The following PANK4 variants were observed in gnomAD, a reference collection of about 807,000 sequenced individuals.
The protein encoded by PANK4 is pantothenate kinase 4 (inactive).
In PANK4, 40 loss-of-function variants were observed where a neutral mutation model predicts 87.9. The ratio of observed to expected loss-of-function variants is 0.46; its 90% CI spans 0.35 to 0.59. The LOEUF (loss-of-function observed/expected upper bound fraction) is 0.59, where lower values mean the gene tolerates loss of function less well. Among genes scored for constraint, PANK4 ranks in the 20% least tolerant of loss-of-function variants. The pLI, the probability that PANK4 is intolerant of heterozygous loss-of-function variation, is 0.00. For missense variants in PANK4, 926 were observed against 1,072.3 expected (o/e 0.86, Z 1.90); for synonymous variants, 524 against 467.4 (o/e 1.12, Z -1.56).
At position 2,510,023 on chromosome 1, in the gene PANK4, C is replaced by A; in HGVS notation, c.2039+34G>T. On this transcript the variant is annotated intron_variant, in intron 17 of 18. Transcript: ENST00000378466. This position sits in a 1 kb window ranked among gnomAD's most constrained non-coding sequence, Gnocchi z 4.9. ...CTGCCCAGCTGGTGCCCCTCCCCAT[C>A]AAGGCCCCCCCAGCACTGCCCGCCA... 1 of 1,582,166 alleles carries A rather than the reference C, an allele frequency of 6.3e-7. No homozygotes were observed. Among genetic ancestry groups the A allele is most frequent in the Non-Finnish European group, 8.6e-7 (1 of 1,158,252 alleles).
intron 9 of PANK4, 114 bp downstream of exon 9, chr1:2,518,050 C>T (rs1344759923): frequency 8.3e-6 from 5 of 604,560 alleles, no homozygotes; most frequent in African/African-American, 3.8e-5. Context: ...TCGCCATGGG[C>T]AGAGGCGCCT....
chr1:2,513,051 G>A lies in PANK4; in HGVS notation c.1576-12C>T. Reference sequence around the variant, plus strand: ...TCCCGCTGCTTCACCTGTGGAGAGTGCCAGATGCCAGGCCTGAGTGAAGAC... The same window carrying A: ...TCCCGCTGCTTCACCTGTGGAGAGTACCAGATGCCAGGCCTGAGTGAAGAC... On this transcript the variant is annotated splice_polypyrimidine_tract_variant and intron_variant, in intron 12 of 18. Transcript: ENST00000378466. 6.3e-7 allele frequency: 1 copy of A among 1,577,866 alleles called. No homozygotes were observed. The highest frequency in any genetic ancestry group is 8.6e-7 in the Non-Finnish European group (1 of 1,158,070).
intron 12 of PANK4, among the ~76,000 whole-genome samples, chr1:2,513,596 AGCCAGG>A (rs1643703537): frequency 6.6e-6 from 1 of 152,160 alleles, no homozygotes; most frequent in Non-Finnish European, 1.5e-5. Context: ...CCTAGGAGGG[AGCCAGG>A]GTGGTCCAGG....
At position 2,520,768 on chromosome 1, in the gene PANK4, G is replaced by A; in HGVS notation, c.561C>T (p.Phe187=). The change falls in exon 4 of 19, where the codon TTC becomes TTT. Residue 187 remains phenylalanine, a synonymous_variant. Transcript: ENST00000378466. The surrounding 1 kb of genome is among the most constrained non-coding windows in gnomAD (Gnocchi z 6.2). ...AGCCGATATTGACAAGAAGATAGGG[G>A]AAAATGTGGGGGTGGTTGGTCTGGA... The part of the protein sequence containing the change: ...FRFQTNHPHI[F]PYLLVNIGSG... 6.2e-7 allele frequency: 1 copy of A among 1,613,608 alleles called. No individual in the cohort carries two copies. The highest frequency in any genetic ancestry group is 8.5e-7 in the Non-Finnish European group (1 of 1,179,886).
chr1:2,519,919 G>C lies in PANK4; in HGVS notation c.735C>G (p.Gly245=), dbSNP rs1207080060. 6.4e-7 allele frequency: 1 copy of C among 1,564,912 alleles called. No individual in the cohort carries two copies. The highest frequency in any genetic ancestry group is 8.7e-7 in the Non-Finnish European group (1 of 1,154,410). The change falls in exon 6 of 19, where the codon GGC becomes GGG. Residue 245 remains glycine (G), a synonymous_variant. Transcript: ENST00000378466. This position sits in a 1 kb window ranked among gnomAD's most constrained non-coding sequence, Gnocchi z 8.3. ...CCAGCATGTCCACATTGCTGTGCTG[G>C]CCCCTCGAGGCCAGGTGCAGGAGCT... The part of the protein sequence containing the change: ...FDELLHLASR[G]QHSNVDMLVR...
At position 2,520,264 on chromosome 1, in the gene PANK4, G is replaced by A; in HGVS notation, c.699+58C>T. 4.0e-6 allele frequency: 6 copies of A among 1,504,648 alleles called. No homozygotes were observed. The highest frequency in any genetic ancestry group is 5.5e-6 in the Non-Finnish European group (6 of 1,082,082). The allele number at this position is 1,504,648 out of a possible 1,614,324, so 93.2% of individuals were successfully genotyped here. A position where few individuals can be genotyped will look rare whatever the true frequency, so the allele number is the denominator to read the frequency against. Reference sequence around the variant, plus strand: ...GCACCGCCCAGCTGCAGGCCTTCGGGGGAAGGAAGCAGACATCTCCGCAGA... The same window carrying A: ...GCACCGCCCAGCTGCAGGCCTTCGGAGGAAGGAAGCAGACATCTCCGCAGA... On this transcript the variant is annotated intron_variant, in intron 5 of 18. Transcript: ENST00000378466. This position sits in a 1 kb window ranked among gnomAD's most constrained non-coding sequence, Gnocchi z 6.2.
Position 2,515,826 on chromosome 1 carries a change from T to C in PANK4, c.1219-109A>G, listed in dbSNP as rs1016410142. The C allele has an allele frequency of 1.2e-5, 13 of 1,102,774 alleles. No homozygotes were observed. Among genetic ancestry groups the C allele is most frequent in the Middle Eastern group, 4.1e-4 (2 of 4,898 alleles). The allele number at this position is 1,102,774 out of a possible 1,614,324, so 68.3% of individuals were successfully genotyped here. A position where few individuals can be genotyped will look rare whatever the true frequency, so the allele number is the denominator to read the frequency against. ...CTAAGAAGGGAGATGTACTGCCTTC[T>C]TCCGCCACGTCTCTGGGCCACAGAC... On this transcript the variant is annotated intron_variant, in intron 9 of 18. Coordinates refer to ENST00000378466, the MANE Select transcript of PANK4 (RefSeq NM_018216.4). This position sits in a 1 kb window ranked among gnomAD's most constrained non-coding sequence, Gnocchi z 5.0.
intron 1 of PANK4, among the ~76,000 whole-genome samples, chr1:2,523,193 A>T (rs1643892623): frequency 2.0e-5 from 3 of 152,150 alleles, no homozygotes; most frequent in Non-Finnish European, 1.5e-5. Flanking sequence ...ATGTAGCAAA[A>T]CCCACCGTGT....
chr1:2,523,267 G>A (rs989648416), intron 1 of PANK4, among the ~76,000 whole-genome samples: 12 of 152,162 alleles, frequency 7.9e-5, no homozygotes, highest in African/African-American at 2.7e-4. Flanking sequence ...GCTCCCCGAC[G>A]GCTGGCGTAC....
chr1:2,522,851 G>A (rs60441474), intron 1 of PANK4, among the ~76,000 whole-genome samples: 11 of 144,192 alleles, frequency 7.6e-5, no homozygotes, highest in Admixed American at 2.1e-4. Flanking sequence ...AGGGGACCGT[G>A]TGGTGCTATA....
At position 2,515,696 on chromosome 1, in the gene PANK4, G is replaced by A. The variant is rs750247448; in HGVS notation, c.1240C>T (p.Arg414Trp). The A allele has an allele frequency of 7.4e-6, 12 of 1,612,778 alleles. No homozygotes were observed. Among genetic ancestry groups the A allele is most frequent in the African/African-American group, 1.3e-5 (1 of 74,904 alleles). ...AGGTCAACCAGTGGCCTCTCCAGCC[G>A]GTCCATTTCCAGCAAGTCAAACTGG... ...SGTFDLLEMD[R>W]LERPLVDLPL... The change falls in exon 10 of 19, where the codon CGG becomes TGG. Residue 414 changes from arginine to tryptophan, a missense_variant. Coordinates refer to ENST00000378466, the MANE Select transcript of PANK4 (RefSeq NM_018216.4). The surrounding 1 kb of genome is among the most constrained non-coding windows in gnomAD (Gnocchi z 5.0).
In PANK4 at chr1:2,509,496, G is replaced by A. The variant is rs879767533; in HGVS notation, c.2108+366C>T. 3.9e-5 allele frequency among the ~76,000 whole-genome samples: 6 copies of A among 152,160 alleles called. No homozygotes were observed. Among genetic ancestry groups the A allele is most frequent in the Non-Finnish European group, 7.3e-5 (5 of 68,032 alleles). On this transcript the variant is annotated intron_variant, in intron 18 of 18. Coordinates refer to ENST00000378466, the MANE Select transcript of PANK4 (RefSeq NM_018216.4). The surrounding 1 kb of genome is among the most constrained non-coding windows in gnomAD (Gnocchi z 4.9). ...ACAGCACCACATACAATTGACTAAT[G>A]ACCTCCAGAACCACAGAAGCAGAGC...
Position 2,508,980 on chromosome 1 carries a change from A to G in PANK4, c.2189T>C (p.Val730Ala). Residue 730 changes from valine (V) to alanine (A), a missense_variant, in exon 19 of 19, where the codon GTC becomes GCC. Physicochemically the swap from Val to Ala is moderately conservative, Grantham distance 64. Coordinates refer to ENST00000378466, the MANE Select transcript of PANK4 (RefSeq NM_018216.4). The surrounding 1 kb of genome is among the most constrained non-coding windows in gnomAD (Gnocchi z 5.1). ...CAGGGCTGCGTGGTAGTTTGTGTGG[A>G]CAGCACGGCCCATGCCCTCGATGAC... ...LVVIEGMGRAVHTNYHAALRC... is the reference protein window; with the variant it reads ...LVVIEGMGRAAHTNYHAALRC... 1 of 1,609,410 alleles carries G rather than the reference A, an allele frequency of 6.2e-7. No homozygotes were observed. The highest frequency in any genetic ancestry group is 1.1e-5 in the South Asian group (1 of 90,746).
intron 1 of PANK4, 55 bp downstream of exon 1, chr1:2,526,409 C>A (rs1643925057): frequency 1.0e-6 from 1 of 998,506 alleles, no homozygotes; most frequent in South Asian, 4.4e-5. Context: ...GCCGGCCCAC[C>A]GCCGGCGCCC....
Position 2,510,050 on chromosome 1 carries a change from C to T in PANK4, c.2039+7G>A, listed in dbSNP as rs1252829388. 6.2e-7 allele frequency: 1 copy of T among 1,603,708 alleles called. No individual in the cohort carries two copies. Among genetic ancestry groups the T allele is most frequent in the Non-Finnish European group, 8.5e-7 (1 of 1,173,954 alleles). ...AGGCCCCCCCAGCACTGCCCGCCAA[C>T]ACTCACTGCACGACAGGGTCCATGC... On this transcript the variant is annotated splice_region_variant and intron_variant, in intron 17 of 18. Transcript: ENST00000378466. This position sits in a 1 kb window ranked among gnomAD's most constrained non-coding sequence, Gnocchi z 4.9.
Position 2,519,789 on chromosome 1 carries a change from C to T in PANK4, c.853+12G>A, listed in dbSNP as rs371661186. On this transcript the variant is annotated intron_variant, in intron 6 of 18. Coordinates refer to ENST00000378466, the MANE Select transcript of PANK4 (RefSeq NM_018216.4). This position sits in a 1 kb window ranked among gnomAD's most constrained non-coding sequence, Gnocchi z 8.3. ...CATCCTGCTCTCTGGCGGCAGAGGC[C>T]GGGGTGAGCACCTTGGTCGGCGGTG... 249 of 1,567,994 alleles carry T rather than the reference C, an allele frequency of 1.6e-4. No individual in the cohort carries two copies. Among genetic ancestry groups the T allele is most frequent in the African/African-American group, 3.2e-4 (24 of 74,144 alleles).
intron 12 of PANK4, among the ~76,000 whole-genome samples, 197 bp downstream of exon 12, chr1:2,513,805 T>C (rs553831679): frequency 5.9e-5 from 9 of 152,188 alleles, no homozygotes; most frequent in African/African-American, 2.2e-4. Flanking sequence ...TCTGTGGGGG[T>C]AACACAGCTC....
chr1:2,509,035 G>C lies in PANK4; in HGVS notation c.2134C>G (p.Leu712Val), dbSNP rs1388954448. 3.1e-6 allele frequency: 5 copies of C among 1,601,224 alleles called. No homozygotes were observed. In the Admixed American group the frequency reaches 8.4e-5, roughly 27 times the overall value. Residue 712 changes from leucine (L) to valine (V), a missense_variant, in exon 19 of 19, where the codon CTG becomes GTG. Coordinates refer to ENST00000378466, the MANE Select transcript of PANK4 (RefSeq NM_018216.4). The surrounding 1 kb of genome is among the most constrained non-coding windows in gnomAD (Gnocchi z 4.9). ...LSRLDKGLAA[L>V]VRERGADLVV... ...AGATCCGCGCCACGCTCCCGCACCA[G>C]TGCGGCCAGCCCCTTATCCAGGCGG...
Position 2,509,280 on chromosome 1 carries a change from C to T in PANK4, c.2109-220G>A, listed in dbSNP as rs1643619665. ...AGCAGCTGCAGCTTGGAAACTCTGC[C>T]CTAGATCTCCTGTGAACTCTAGGGA... On this transcript the variant is annotated intron_variant, in intron 18 of 18. Coordinates refer to ENST00000378466, the MANE Select transcript of PANK4 (RefSeq NM_018216.4). This position sits in a 1 kb window ranked among gnomAD's most constrained non-coding sequence, Gnocchi z 4.9. Among the ~76,000 whole-genome samples the T allele has an allele frequency of 6.6e-6, 1 of 152,200 alleles. No individual in the cohort carries two copies. Among genetic ancestry groups the T allele is most frequent in the East Asian group, 1.9e-4 (1 of 5,184 alleles).
Sources: gnomAD v4.1 joint callset for allele counts (sites outside exome capture counted in the v4.1 genomes callset) on GRCh38, gnomAD v4.1.1 for gene constraint, Gnocchi (gnomAD v3.1) non-coding constraint, MANE v1.5 for transcripts, NCBI Gene and HGNC (gene_info 2026-07-23, HGNC 2026-07-21) for gene names.